The following ZNF469 variants were observed in gnomAD, a reference collection of about 807,000 sequenced individuals.
ZNF469 encodes the protein zinc finger protein 469.
ZNF469 carries 1 observed loss-of-function variant against 1.0 expected under a neutral mutation model. The observed-to-expected ratio is 1.00, with a 90% confidence interval of 0.35 to 4.73. The LOEUF (loss-of-function observed/expected upper bound fraction) is 4.73. Among genes scored for constraint, ZNF469 ranks in the 30% most tolerant of loss-of-function variants. ZNF469 has a pLI of 0.16. For missense variants in ZNF469, 6,100 were observed against 5,356.3 expected, an observed-to-expected ratio of 1.14 and a Z score of -4.33; for synonymous variants, 2,703 against 2,363.4, an observed-to-expected ratio of 1.14 and a Z score of -4.17.
chr16:88,291,182 A>T, the ZNF469 span, among the ~76,000 whole-genome samples: 3 of 152,116 alleles, frequency 2.0e-5, no homozygotes, highest in Non-Finnish European at 4.4e-5. Flanking sequence ...CCTCAGACCC[A>T]CCTGGACCCT....
the ZNF469 span, among the ~76,000 whole-genome samples, chr16:88,195,415 G>T: frequency 6.6e-6 from 1 of 152,196 alleles, no homozygotes; most frequent in African/African-American, 2.4e-5. Context: ...CCATGATTCA[G>T]TTCACACTGA....
the ZNF469 span, among the ~76,000 whole-genome samples, chr16:88,289,175 G>A: frequency 2.1e-4 from 31 of 150,124 alleles, no homozygotes; most frequent in African/African-American, 7.4e-4. Flanking sequence ...ATGATGATGA[G>A]GGTGTTGATG....
the ZNF469 span, among the ~76,000 whole-genome samples, chr16:88,212,542 TC>T: frequency 6.6e-6 from 1 of 152,198 alleles, no homozygotes; most frequent in Admixed American, 6.5e-5. Flanking sequence ...GTCATATTCT[TC>T]TCTTTCTTTC....
the ZNF469 span, among the ~76,000 whole-genome samples, chr16:88,354,355 C>T: frequency 7.2e-5 from 11 of 152,174 alleles, no homozygotes; most frequent in Non-Finnish European, 1.2e-4. Flanking sequence ...GCCAGGTCCT[C>T]GGCTCCCTGG....
At chr16:88,380,329 ACT>A (rs2092517931), upstream of ZNF469, among the ~76,000 whole-genome samples, 1 of 125,606 alleles carries the variant, frequency 8.0e-6, no homozygotes, top group African/African-American at 3.5e-5. Context: ...TCACACATGC[ACT>A]CACACATGCG....
chr16:88,102,202 G>A, the ZNF469 span, among the ~76,000 whole-genome samples: 116 of 152,282 alleles, frequency 7.6e-4, no homozygotes, highest in South Asian at 0.021. Context: ...GGCGTCGGTG[G>A]CTTTTTGGAT....
the ZNF469 span, among the ~76,000 whole-genome samples, chr16:88,130,575 A>G: frequency 0.02 from 2,921 of 149,052 alleles, no homozygotes; most frequent in African/African-American, 0.068. Context: ...GCGTGGTGGC[A>G]GGTGCCTGTA....
At chr16:88,216,681 T>G in the ZNF469 span, among the ~76,000 whole-genome samples, 452 of 152,286 alleles carry the variant, frequency 3.0e-3, 2 homozygotes, top group African/African-American at 9.6e-3. Context: ...TTATCATGCT[T>G]CTGATTGAAA....
At chr16:88,268,565 TGAGA>T in the ZNF469 span, among the ~76,000 whole-genome samples, 7 of 151,774 alleles carry the variant, frequency 4.6e-5, no homozygotes, top group African/African-American at 1.7e-4. Context: ...CTGGGTAGAG[TGAGA>T]TCCTGGGTTT....
chr16:88,417,073 T>A (rs1290271488), intron 1 of ZNF469, among the ~76,000 whole-genome samples: 2 of 152,228 alleles, frequency 1.3e-5, no homozygotes, highest in Non-Finnish European at 2.9e-5. Flanking sequence ...GGGCACCGCC[T>A]GCCCTTTTCC....
At chr16:88,133,028 A>C in the ZNF469 span, among the ~76,000 whole-genome samples, 358 of 152,300 alleles carry the variant, frequency 2.4e-3, 2 homozygotes, top group Non-Finnish European at 3.6e-3. Context: ...ACCCGTGGGC[A>C]GCTCCCATGG....
the ZNF469 span, among the ~76,000 whole-genome samples, chr16:88,210,826 G>T: frequency 1.3e-5 from 2 of 152,186 alleles, no homozygotes; most frequent in Non-Finnish European, 2.9e-5. Flanking sequence ...AAGCTTTTTA[G>T]TGTGTTTTAA....
At chr16:88,314,352 G>A in the ZNF469 span, among the ~76,000 whole-genome samples, 1 of 146,300 alleles carries the variant, frequency 6.8e-6, no homozygotes, top group Non-Finnish European at 1.5e-5. Context: ...GCTGGTGTGG[G>A]CTGTCTCTGT....
chr16:88,124,260 G>A, the ZNF469 span, among the ~76,000 whole-genome samples: 1 of 152,132 alleles, frequency 6.6e-6, no homozygotes, highest in Non-Finnish European at 1.5e-5. Context: ...TTGAGACAAA[G>A]TCTCACTCTG....
At chr16:88,345,407 G>A in the ZNF469 span, among the ~76,000 whole-genome samples, 4 of 152,174 alleles carry the variant, frequency 2.6e-5, no homozygotes, top group African/African-American at 4.8e-5. Flanking sequence ...AAGCAGCTCC[G>A]TGTGGCCCAG....
the ZNF469 span, among the ~76,000 whole-genome samples, chr16:88,149,113 T>G: frequency 6.7e-6 from 1 of 148,626 alleles, no homozygotes; most frequent in South Asian, 2.2e-4. Flanking sequence ...TTGTTCAGAG[T>G]CAGAAGCTGA....
At chr16:88,356,582 TCAC>T in the ZNF469 span, among the ~76,000 whole-genome samples, 1 of 152,084 alleles carries the variant, frequency 6.6e-6, no homozygotes, top group Non-Finnish European at 1.5e-5. Flanking sequence ...ACACCTATCA[TCAC>T]TGTTAACATC....
At chr16:88,422,274 G>C (rs1458944738) in intron 1 of ZNF469, among the ~76,000 whole-genome samples, 1 of 26,712 alleles carries the variant, frequency 3.7e-5, no homozygotes, top group South Asian at 1.9e-3. Flanking sequence ...TGGATGGATA[G>C]GTGGGTAATG....
intron 1 of ZNF469, among the ~76,000 whole-genome samples, chr16:88,405,455 C>T (rs527487951): frequency 6.6e-6 from 1 of 152,312 alleles, no homozygotes; most frequent in African/African-American, 2.4e-5. Context: ...TTGGGATGGG[C>T]CATGAGTTTC....
Sources: gnomAD v4.1 joint callset for allele counts (sites outside exome capture counted in the v4.1 genomes callset) on GRCh38, gnomAD v4.1.1 for gene constraint, MANE v1.5 for transcripts, NCBI Gene and HGNC (gene_info 2026-07-23, HGNC 2026-07-21) for gene names.